DLC1: variants seen among roughly 807,000 people sequenced by gnomAD.
DLC1 encodes the protein rho GTPase-activating protein 7.
Under a neutral mutation model 140.3 loss-of-function variants are expected in DLC1, and 54 were observed. That is an observed-to-expected ratio of 0.38 (90% CI 0.31 to 0.48). The LOEUF (loss-of-function observed/expected upper bound fraction) is 0.48. DLC1 is among the 20% of genes least tolerant of loss of function. The pLI is 0.96. For synonymous variants in DLC1, 986 were observed against 728.1 expected (o/e 1.35, Z -5.70); for missense variants, 2,536 against 1,907.0 (o/e 1.33, Z -6.14).
At chr8:13,329,306 C>T (rs1014460757) in intron 4 of DLC1, among the ~76,000 whole-genome samples, 10 of 152,176 alleles carry the variant, frequency 6.6e-5, no homozygotes, top group Admixed American at 1.3e-4. Flanking sequence ...TCAAGACATA[C>T]ATTCATAGAA....
At chr8:13,320,441 G>C (rs1833050977) in intron 4 of DLC1, among the ~76,000 whole-genome samples, 1 of 152,086 alleles carries the variant, frequency 6.6e-6, no homozygotes, top group Admixed American at 6.6e-5. Flanking sequence ...AGCGTTTGTA[G>C]CATATTTAAA....
intron 5 of DLC1, among the ~76,000 whole-genome samples, chr8:13,284,614 C>A (rs563700332): frequency 1.3e-5 from 2 of 152,146 alleles, no homozygotes; most frequent in Admixed American, 6.6e-5. Context: ...AGAACAAAAC[C>A]TGGTTCTTTG....
At chr8:13,092,530 C>A in intron 13 of DLC1, 82 bp downstream of exon 13, 4 of 1,469,192 alleles carry the variant, frequency 2.7e-6, no homozygotes, top group South Asian at 1.2e-5. Flanking sequence ...AGGAAAGAGT[C>A]CCACAAAACC....
intron 2 of DLC1, among the ~76,000 whole-genome samples, chr8:13,483,461 C>T (rs951459877): frequency 1.3e-5 from 2 of 152,152 alleles, no homozygotes; most frequent in Non-Finnish European, 2.9e-5. Flanking sequence ...TGCACAGAGA[C>T]ACCTAGAAGG....
At chr8:13,411,894 C>T (rs1837799584) in intron 2 of DLC1, among the ~76,000 whole-genome samples, 1 of 151,954 alleles carries the variant, frequency 6.6e-6, no homozygotes, top group Non-Finnish European at 1.5e-5. Flanking sequence ...TCCCAGAGAC[C>T]ATATAATTTC....
At chr8:13,426,134 T>C (rs552517725) in intron 2 of DLC1, among the ~76,000 whole-genome samples, 5 of 152,006 alleles carry the variant, frequency 3.3e-5, no homozygotes, top group Admixed American at 6.6e-5. Flanking sequence ...TATTATTATT[T>C]TGGCAAGGAA....
At chr8:13,475,216 C>CA (rs1172109131) in intron 2 of DLC1, among the ~76,000 whole-genome samples, 5 of 152,108 alleles carry the variant, frequency 3.3e-5, no homozygotes, top group African/African-American at 1.2e-4. Flanking sequence ...TGTCATGCCT[C>CA]AAACGTTTAT....
At chr8:13,227,872 T>C (rs1828868525) in intron 5 of DLC1, among the ~76,000 whole-genome samples, 1 of 152,202 alleles carries the variant, frequency 6.6e-6, no homozygotes, top group Non-Finnish European at 1.5e-5. Context: ...TGGTGGCTCT[T>C]ATATTTCATT....
intron 5 of DLC1, among the ~76,000 whole-genome samples, chr8:13,187,179 T>C (rs10108106): frequency 0.45 from 68,357 of 151,830 alleles, 16,085 homozygotes; most frequent in East Asian, 0.84. Context: ...CTTATTACCT[T>C]CCAATGTAAG....
chr8:13,136,009 C>T (rs1189644687), intron 5 of DLC1, among the ~76,000 whole-genome samples: 1 of 152,152 alleles, frequency 6.6e-6, no homozygotes, highest in Non-Finnish European at 1.5e-5. Flanking sequence ...AGTCTTTGGT[C>T]TATTGACACA....
intron 2 of DLC1, among the ~76,000 whole-genome samples, chr8:13,408,751 C>T (rs540815923): frequency 2.6e-5 from 4 of 152,246 alleles, no homozygotes; most frequent in East Asian, 1.9e-4. Flanking sequence ...GTATTCCATA[C>T]TATCATGCTT....
rs1295604148 is a variant in DLC1 at position 13,524,109 on chromosome 8, T to G, written c.-125-23913A>C. On this transcript the variant is annotated intron_variant, in intron 1 of 1. Coordinates refer to the DLC1 transcript ENST00000631382. Reference sequence around the variant, plus strand: ...CCATCACAGTTGTTATCTATTCTATTTATTATTATTATTATTATTATTATT... The same window carrying G: ...CCATCACAGTTGTTATCTATTCTATGTATTATTATTATTATTATTATTATT... 1.4e-3 allele frequency among the ~76,000 whole-genome samples: 8 copies of G among 5,908 alleles called. No individual in the cohort carries two copies. In the East Asian group the frequency reaches 0.054, roughly 40 times the overall value. The allele number at this position is 5,908 out of a possible 152,430, so 3.9% of individuals were successfully genotyped here. A position where few individuals can be genotyped will look rare whatever the true frequency, so the allele number is the denominator to read the frequency against.
intron 2 of DLC1, among the ~76,000 whole-genome samples, chr8:13,406,611 T>G (rs969098397): frequency 6.6e-6 from 1 of 152,190 alleles, no homozygotes; most frequent in Admixed American, 6.5e-5. Flanking sequence ...TTCCTTTAAT[T>G]ATTTCTCATA....
intron 2 of DLC1, among the ~76,000 whole-genome samples, chr8:13,410,700 T>C (rs1837744460): frequency 2.0e-5 from 3 of 150,796 alleles, no homozygotes; most frequent in Middle Eastern, 3.4e-3. Context: ...ACTGAATAAA[T>C]GGAAAGATAT....
At chr8:13,398,184 A>C (rs988484609) in intron 3 of DLC1, among the ~76,000 whole-genome samples, 3 of 152,132 alleles carry the variant, frequency 2.0e-5, no homozygotes, top group African/African-American at 7.2e-5. Flanking sequence ...ATAAATCAAG[A>C]AAGAAATTAA....
chr8:13,160,964 C>T (rs979027845), intron 5 of DLC1, among the ~76,000 whole-genome samples: 7 of 152,062 alleles, frequency 4.6e-5, no homozygotes, highest in African/African-American at 1.7e-4. Context: ...ACCTGTATTC[C>T]CAGCTACTTG....
chr8:13,508,941 G>A (rs10094854), intron 1 of DLC1, among the ~76,000 whole-genome samples: 140,514 of 152,206 alleles, frequency 0.92, 65,864 homozygotes, highest in Non-Finnish European at 1. Context: ...ACAATAAAGA[G>A]AAGTATTGCC....
At chr8:13,265,613 C>T (rs574618493) in intron 5 of DLC1, among the ~76,000 whole-genome samples, 5 of 152,100 alleles carry the variant, frequency 3.3e-5, no homozygotes, top group African/African-American at 9.6e-5. Flanking sequence ...AGCATGAGGC[C>T]GTTTACCATC....
At chr8:13,172,474 A>G (rs1171336677) in intron 5 of DLC1, among the ~76,000 whole-genome samples, 3 of 152,246 alleles carry the variant, frequency 2.0e-5, no homozygotes, top group African/African-American at 7.2e-5. Flanking sequence ...TATTAAATGA[A>G]TCCATATACA....
Sources: allele counts gnomAD v4.1 joint callset (sites outside exome capture counted in the v4.1 genomes callset), GRCh38; gene constraint gnomAD v4.1.1; transcripts MANE v1.5; gene names NCBI Gene and HGNC (gene_info 2026-07-23, HGNC 2026-07-21).